The following NRXN3 variants were observed in gnomAD, a reference collection of about 807,000 sequenced individuals.
NRXN3 encodes the protein neurexin 3.
A neutral mutation model predicts 137.6 loss-of-function variants in NRXN3; 32 were observed. The observed-to-expected ratio is 0.23, with a 90% confidence interval of 0.18 to 0.31. The LOEUF (loss-of-function observed/expected upper bound fraction) is 0.31, where lower values mean the gene tolerates loss of function less well. Ranked by LOEUF, NRXN3 falls within the 10% of genes least tolerant of loss-of-function variation. The probability of loss-of-function intolerance (pLI) is 1.00; values close to 1 mark genes in which losing one functional copy is unlikely to be tolerated. For missense variants in NRXN3, 1,574 were observed against 2,062.5 expected (o/e 0.76, Z 4.59); for synonymous variants, 798 against 784.5 (o/e 1.02, Z -0.29).
At chr14:78,639,737 T>C (rs2097601774) in intron 4 of NRXN3, among the ~76,000 whole-genome samples, 1 of 152,168 alleles carries the variant, frequency 6.6e-6, no homozygotes, top group Non-Finnish European at 1.5e-5. Flanking sequence ...TGGTATGGTG[T>C]AGTAGGAAAA....
chr14:79,832,796 T>C (rs1314694943), intron 20 of NRXN3, among the ~76,000 whole-genome samples: 1 of 152,206 alleles, frequency 6.6e-6, no homozygotes, highest in Non-Finnish European at 1.5e-5. Flanking sequence ...CTATGTCTGA[T>C]GTTACTACTA....
intron 15 of NRXN3, among the ~76,000 whole-genome samples, chr14:79,243,818 G>A (rs1422214957): frequency 6.6e-6 from 1 of 152,026 alleles, no homozygotes; most frequent in Non-Finnish European, 1.5e-5. Context: ...GATCATATAT[G>A]CAGTTTATCA....
intron 15 of NRXN3, among the ~76,000 whole-genome samples, chr14:79,327,312 T>A (rs1351231313): frequency 6.6e-6 from 1 of 152,172 alleles, no homozygotes; most frequent in Non-Finnish European, 1.5e-5. Context: ...CTTTTCCTTG[T>A]AACCCCCTAT....
chr14:79,032,243 A>G (rs2099609413), intron 15 of NRXN3, among the ~76,000 whole-genome samples: 1 of 152,174 alleles, frequency 6.6e-6, no homozygotes, highest in South Asian at 2.1e-4. Flanking sequence ...AAGCTTGCTA[A>G]AATTTATAGC....
At chr14:79,860,343 T>C (rs1271662496) in intron 20 of NRXN3, among the ~76,000 whole-genome samples, 2 of 152,180 alleles carry the variant, frequency 1.3e-5, no homozygotes, top group African/African-American at 2.4e-5. Context: ...TGCATACAAA[T>C]ATTAGACTAA....
At chr14:79,843,951 T>C (rs2099361659) in intron 20 of NRXN3, among the ~76,000 whole-genome samples, 1 of 152,074 alleles carries the variant, frequency 6.6e-6, no homozygotes, top group Admixed American at 6.5e-5. Context: ...TCTTGTACCT[T>C]TGTGTCCTCA....
At chr14:78,506,695 G>A (rs1246651755) in intron 4 of NRXN3, among the ~76,000 whole-genome samples, 2 of 120,184 alleles carry the variant, frequency 1.7e-5, no homozygotes, top group Admixed American at 1.0e-4. Context: ...GTCTCACTAT[G>A]TTGTACAGGC....
intron 16 of NRXN3, among the ~76,000 whole-genome samples, chr14:79,508,483 G>C (rs1425899889): frequency 7.1e-6 from 1 of 140,606 alleles, no homozygotes. Flanking sequence ...TTCATCTCCC[G>C]GGTACAAGTG....
At chr14:78,387,071 G>A (rs12101056) in intron 4 of NRXN3, among the ~76,000 whole-genome samples, 81 of 152,130 alleles carry the variant, frequency 5.3e-4, no homozygotes, top group African/African-American at 1.8e-3. Context: ...GTGAGCCACC[G>A]CACCCGGCCT....
At chr14:79,772,856 G>A (rs2099083405) in intron 19 of NRXN3, among the ~76,000 whole-genome samples, 1 of 152,112 alleles carries the variant, frequency 6.6e-6, no homozygotes, top group East Asian at 1.9e-4. Context: ...CAAAATGGGA[G>A]AAAATTTTCA....
At chr14:79,262,014 G>A (rs1273221154) in intron 15 of NRXN3, among the ~76,000 whole-genome samples, 1 of 152,076 alleles carries the variant, frequency 6.6e-6, no homozygotes, top group African/African-American at 2.4e-5. Context: ...ATATTTCAGG[G>A]TATCCAAGGC....
chr14:79,041,094 C>G (rs1015365073), intron 15 of NRXN3, among the ~76,000 whole-genome samples: 2 of 152,080 alleles, frequency 1.3e-5, no homozygotes, highest in African/African-American at 4.8e-5. Context: ...GTAAAAATAC[C>G]TGAGTTCAAA....
chr14:78,633,267 A>AAAAAAAAAAAAAAG (rs1376443966), intron 4 of NRXN3, among the ~76,000 whole-genome samples: 1 of 150,084 alleles, frequency 6.7e-6, no homozygotes, highest in African/African-American at 2.5e-5. Flanking sequence ...AAAAAAAAAA[A>AAAAAAAAAAAAAAG]AGAGACTGGT....
At chr14:79,129,017 G>C (rs1213391805) in intron 15 of NRXN3, among the ~76,000 whole-genome samples, 11 of 152,096 alleles carry the variant, frequency 7.2e-5, no homozygotes, top group Non-Finnish European at 1.3e-4. Context: ...TGGGATCGGT[G>C]GAGATATCCC....
intron 4 of NRXN3, among the ~76,000 whole-genome samples, chr14:78,305,171 T>C (rs2077238592): frequency 6.6e-6 from 1 of 152,116 alleles, no homozygotes; most frequent in South Asian, 2.1e-4. Flanking sequence ...GGTCTGTGTG[T>C]TGGGTAAAGT....
intron 15 of NRXN3, among the ~76,000 whole-genome samples, chr14:79,188,945 T>TA (rs1487807285): frequency 6.6e-6 from 1 of 152,116 alleles, no homozygotes; most frequent in Non-Finnish European, 1.5e-5. Flanking sequence ...GGTGGGACTG[T>TA]AAACTAGTTC....
chr14:79,135,623 T>G (rs947605327), intron 15 of NRXN3, among the ~76,000 whole-genome samples: 1 of 152,192 alleles, frequency 6.6e-6, no homozygotes, highest in African/African-American at 2.4e-5. Flanking sequence ...CAAAAGATAG[T>G]TTTTAACATC....
rs576587460 is a variant in NRXN3, at chr14:78,309,364, A to G, written c.757+11504A>G. 5.3e-5 allele frequency among the ~76,000 whole-genome samples: 8 copies of G among 151,882 alleles called. No individual in the cohort carries two copies. The East Asian group carries it at 1.6e-3, about 29-fold the overall frequency. On this transcript the variant is annotated intron_variant, in intron 4 of 20. Coordinates refer to ENST00000335750, the MANE Select transcript of NRXN3 (RefSeq NM_001330195.2). ...TTGTTATACAGGTAAATTGTGTGCC[A>G]TAGGGGTTTGGTATAAATTATTTTG...
chr14:79,594,698 A>AAAT (rs1555545705), intron 16 of NRXN3, among the ~76,000 whole-genome samples: 7 of 151,524 alleles, frequency 4.6e-5, no homozygotes, highest in East Asian at 1.9e-4. Context: ...TTCAAAAAAA[A>AAAT]ATATATATAT....
Sources: allele counts gnomAD v4.1 joint callset (sites outside exome capture counted in the v4.1 genomes callset), GRCh38; gene constraint gnomAD v4.1.1; transcripts MANE v1.5; gene names NCBI Gene and HGNC (gene_info 2026-07-23, HGNC 2026-07-21).